TNNI3K: variants seen among roughly 807,000 people sequenced by gnomAD.
TNNI3K encodes the protein TNNI3 interacting kinase.
A neutral mutation model predicts 114.5 loss-of-function variants in TNNI3K; 140 were observed. That is an observed-to-expected ratio of 1.22 (90% CI 1.07 to 1.41). The LOEUF is 1.41. Ranked by LOEUF, TNNI3K falls within the 40% of genes most tolerant of loss-of-function variation. TNNI3K has a pLI of 0.00. For synonymous variants in TNNI3K, 347 were observed against 347.5 expected, an observed-to-expected ratio of 1.00 and a Z score of 0.02; for missense variants, 1,125 against 1,007.6, an observed-to-expected ratio of 1.12 and a Z score of -1.58.
At chr1:74,391,873 T>G (rs901027897) in intron 17 of TNNI3K, among the ~76,000 whole-genome samples, 1 of 151,728 alleles carries the variant, frequency 6.6e-6, no homozygotes, top group African/African-American at 2.4e-5. Context: ...TCAGAAGTTA[T>G]CACTATGCTG....
intron 2 of TNNI3K, among the ~76,000 whole-genome samples, chr1:74,247,423 C>A (rs763559598): frequency 1.9e-4 from 29 of 152,112 alleles, no homozygotes; most frequent in Non-Finnish European, 2.6e-4. Flanking sequence ...TGAGAAGCAG[C>A]AAGATTTATT....
intron 20 of TNNI3K, among the ~76,000 whole-genome samples, chr1:74,460,151 C>G (rs1053730543): frequency 6.6e-6 from 1 of 151,926 alleles, no homozygotes; most frequent in African/African-American, 2.4e-5. Flanking sequence ...TCTCGACTCA[C>G]TGCAACCTCT....
intron 17 of TNNI3K, chr1:74,416,427 C>A (rs536749642): frequency 3.1e-6 from 3 of 955,310 alleles, no homozygotes; most frequent in African/African-American, 1.8e-5. Context: ...TGTTAGCATG[C>A]GTGACATAGT....
intron 4 of TNNI3K, among the ~76,000 whole-genome samples, chr1:74,269,741 A>C (rs540687244): frequency 6.6e-6 from 1 of 151,970 alleles, no homozygotes; most frequent in East Asian, 1.9e-4. Context: ...TGCATTTGAG[A>C]TGCCATTGAT....
chr1:74,528,480 T>G (rs1354397345), intron 23 of TNNI3K, among the ~76,000 whole-genome samples: 1 of 152,012 alleles, frequency 6.6e-6, no homozygotes, highest in East Asian at 1.9e-4. Context: ...AGGAGGATAT[T>G]TGTGTGTGTG....
chr1:74,437,343 G>A (rs554535079), intron 19 of TNNI3K, among the ~76,000 whole-genome samples: 11 of 151,960 alleles, frequency 7.2e-5, no homozygotes, highest in Non-Finnish European at 1.5e-4. Flanking sequence ...CATCAACTAA[G>A]TTCTCATTCC....
intron 23 of TNNI3K, among the ~76,000 whole-genome samples, chr1:74,517,374 A>G (rs1646364586): frequency 6.6e-6 from 1 of 152,110 alleles, no homozygotes; most frequent in Non-Finnish European, 1.5e-5. Context: ...AGTATCAAAA[A>G]TTTTCTGGCA....
chr1:74,323,912 G>A (rs1659758895), intron 5 of TNNI3K, among the ~76,000 whole-genome samples: 1 of 152,148 alleles, frequency 6.6e-6, no homozygotes, highest in Non-Finnish European at 1.5e-5. Context: ...TTTCTATGGA[G>A]GAATAATAAT....
At chr1:74,402,397 A>G (rs928311834) in intron 17 of TNNI3K, among the ~76,000 whole-genome samples, 23 of 152,296 alleles carry the variant, frequency 1.5e-4, no homozygotes, top group Non-Finnish European at 3.1e-4. Flanking sequence ...CACTGAAAAA[A>G]ATGTGTTTCT....
chr1:74,495,444 T>A (rs1010925991), intron 23 of TNNI3K, among the ~76,000 whole-genome samples: 1 of 152,194 alleles, frequency 6.6e-6, no homozygotes, highest in Non-Finnish European at 1.5e-5. Context: ...AGATAAAGAA[T>A]AAAAAATTGG....
At chr1:74,294,123 T>C (rs891643467) in intron 5 of TNNI3K, among the ~76,000 whole-genome samples, 1 of 151,774 alleles carries the variant, frequency 6.6e-6, no homozygotes, top group African/African-American at 2.4e-5. Context: ...AAATTATATA[T>C]ATTTATGGTG....
At chr1:74,444,139 G>A (rs1326813172) in intron 20 of TNNI3K, among the ~76,000 whole-genome samples, 2 of 152,090 alleles carry the variant, frequency 1.3e-5, no homozygotes, top group Admixed American at 6.6e-5. Context: ...ATTCAACATC[G>A]TGTTGGAAGT....
intron 17 of TNNI3K, chr1:74,416,519 G>A: frequency 1.0e-6 from 1 of 985,200 alleles, no homozygotes; most frequent in Non-Finnish European, 1.2e-6. Context: ...TGGGAAGGTG[G>A]CTTACATAGT....
chr1:74,323,930 C>T (rs1659759477), intron 5 of TNNI3K, among the ~76,000 whole-genome samples: 1 of 151,970 alleles, frequency 6.6e-6, no homozygotes, highest in Non-Finnish European at 1.5e-5. Flanking sequence ...AATAAGTAGG[C>T]AGAGAGGTAG....
intron 2 of TNNI3K, among the ~76,000 whole-genome samples, chr1:74,241,712 C>G (rs1433138023): frequency 6.6e-6 from 1 of 151,970 alleles, no homozygotes; most frequent in Non-Finnish European, 1.5e-5. Flanking sequence ...AAAATTTTCT[C>G]CCATTCTGTA....
chr1:74,409,295 A>G (rs1664766951), intron 17 of TNNI3K, among the ~76,000 whole-genome samples: 1 of 152,148 alleles, frequency 6.6e-6, no homozygotes, highest in African/African-American at 2.4e-5. Context: ...GTTATGACAA[A>G]GAGCCATCCA....
intron 17 of TNNI3K, among the ~76,000 whole-genome samples, chr1:74,420,232 C>T (rs1665330300): frequency 6.6e-6 from 1 of 152,060 alleles, no homozygotes; most frequent in Admixed American, 6.6e-5. Flanking sequence ...AGTAAAACTG[C>T]AAATAAATCA....
chr1:74,462,953 T>C (rs1302723780), intron 20 of TNNI3K, among the ~76,000 whole-genome samples: 1 of 152,236 alleles, frequency 6.6e-6, no homozygotes. Context: ...AACAACTTTG[T>C]AACCAGTAAT....
intron 9 of TNNI3K, among the ~76,000 whole-genome samples, chr1:74,343,683 A>G (rs1247720231): frequency 6.6e-6 from 1 of 152,180 alleles, no homozygotes; most frequent in African/African-American, 2.4e-5. Context: ...GGCCACTCAG[A>G]TACCTAAGAA....
Sources: allele counts gnomAD v4.1 joint callset (sites outside exome capture counted in the v4.1 genomes callset), GRCh38; gene constraint gnomAD v4.1.1; transcripts MANE v1.5; gene names NCBI Gene and HGNC (gene_info 2026-07-23, HGNC 2026-07-21).